Variants in FRS2 observed in about 807,000 individuals in gnomAD.
FRS2 encodes the protein fibroblast growth factor receptor substrate 2.
FRS2 carries 8 observed loss-of-function variants against 43.9 expected under a neutral mutation model. The observed-to-expected ratio is 0.18, with a 90% CI of 0.11 to 0.33. The LOEUF (loss-of-function observed/expected upper bound fraction) is 0.33. FRS2 is among the 10% of genes least tolerant of loss of function. The pLI is 1.00. For synonymous variants in FRS2, 219 were observed against 220.3 expected (o/e 0.99, Z 0.05); for missense variants, 534 against 627.6 (o/e 0.85, Z 1.59).
chr12:69,502,401 A>T (rs955247513), intron 1 of FRS2, among the ~76,000 whole-genome samples: 17 of 151,606 alleles, frequency 1.1e-4, no homozygotes, highest in African/African-American at 4.1e-4. Flanking sequence ...TTTAATTTTT[A>T]ATTTTTTTTT....
intron 3 of FRS2, among the ~76,000 whole-genome samples, chr12:69,533,774 T>C (rs552260503): frequency 3.3e-5 from 5 of 152,300 alleles, no homozygotes; most frequent in African/African-American, 1.2e-4. Context: ...CAGAATATAG[T>C]AATCCCCTCC....
intron 3 of FRS2, among the ~76,000 whole-genome samples, chr12:69,556,728 T>G (rs1320394234): frequency 6.6e-6 from 1 of 152,246 alleles, no homozygotes; most frequent in Non-Finnish European, 1.5e-5. Flanking sequence ...TGTCTTTTAG[T>G]GTTTTATTGA....
At chr12:69,521,882 G>A (rs1459589460) in intron 1 of FRS2, among the ~76,000 whole-genome samples, 1 of 152,140 alleles carries the variant, frequency 6.6e-6, no homozygotes, top group Non-Finnish European at 1.5e-5. Context: ...CCAAAGTGCT[G>A]GGATTATAGG....
At chr12:69,473,968 G>C (rs1198851763) in intron 1 of FRS2, among the ~76,000 whole-genome samples, 2 of 152,050 alleles carry the variant, frequency 1.3e-5, no homozygotes, top group East Asian at 3.8e-4. Flanking sequence ...TCATCTTCCC[G>C]AATAGCTGGG....
At chr12:69,535,049 C>A (rs1003114070) in intron 3 of FRS2, among the ~76,000 whole-genome samples, 4 of 152,066 alleles carry the variant, frequency 2.6e-5, no homozygotes, top group Non-Finnish European at 4.4e-5. Flanking sequence ...ACTGTAATTT[C>A]AGAATGATTT....
In FRS2 at chr12:69,572,193, C is replaced by A. The variant is rs776463041; in HGVS notation, c.488C>A (p.Pro163Gln). Residue 163 changes from proline to glutamine, a missense_variant, in exon 8 of 9, where the codon CCG (proline) becomes CAG (glutamine). Pro to Gln is a moderately conservative substitution (Grantham distance 76). Around this residue, in one of 3 missense-constraint regions of FRS2, gnomAD observed 446 missense variants for 494.2 expected, o/e 0.90. Transcript: ENST00000549921. ...TCATTTGGAGATGCTTCATCCCATC[C>A]GTCAAGCAGACATCCTTCTGTGGGA... The part of the protein sequence containing the change: ...YPSFGDASSH[P>Q]SSRHPSVGSA... 2 of 1,612,612 alleles carry A rather than the reference C, an allele frequency of 1.2e-6. No homozygotes were observed. The highest frequency in any genetic ancestry group is 1.1e-5 in the South Asian group (1 of 91,050).
At chr12:69,564,517 G>A (rs1880122522) in intron 4 of FRS2, among the ~76,000 whole-genome samples, 1 of 151,958 alleles carries the variant, frequency 6.6e-6, no homozygotes, top group Non-Finnish European at 1.5e-5. Flanking sequence ...ACAGTTTTTT[G>A]TATCTCAGGT....
At chr12:69,470,844 C>T (rs971770243) in intron 1 of FRS2, among the ~76,000 whole-genome samples, 3 of 152,152 alleles carry the variant, frequency 2.0e-5, no homozygotes, top group Admixed American at 6.5e-5. Flanking sequence ...CCCCAAACCT[C>T]GCCGCTCCCT....
At chr12:69,503,082 T>C (rs1023475956) in intron 1 of FRS2, among the ~76,000 whole-genome samples, 2 of 152,178 alleles carry the variant, frequency 1.3e-5, no homozygotes, top group Non-Finnish European at 2.9e-5. Context: ...TTCTTGTCTA[T>C]AGGCTCTGGC....
intron 1 of FRS2, among the ~76,000 whole-genome samples, chr12:69,476,639 G>A (rs1474897563): frequency 6.6e-6 from 1 of 151,844 alleles, no homozygotes; most frequent in Non-Finnish European, 1.5e-5. Flanking sequence ...GTCCTCCTGG[G>A]GACACAAACC....
intron 1 of FRS2, among the ~76,000 whole-genome samples, chr12:69,499,749 A>G (rs557925530): frequency 6.8e-6 from 1 of 146,566 alleles, no homozygotes; most frequent in South Asian, 2.3e-4. Context: ...GTGAATGGTT[A>G]TATAGGAGAA....
chr12:69,477,989 C>T (rs1870993770), intron 1 of FRS2, among the ~76,000 whole-genome samples: 1 of 151,902 alleles, frequency 6.6e-6, no homozygotes, highest in Non-Finnish European at 1.5e-5. Context: ...GATCCGCCCA[C>T]CTCGGCCTCC....
intron 1 of FRS2, among the ~76,000 whole-genome samples, chr12:69,509,478 A>G (rs1874261297): frequency 6.6e-6 from 1 of 152,186 alleles, no homozygotes; most frequent in South Asian, 2.1e-4. Flanking sequence ...CAACCATTTT[A>G]AAGTGTACAG....
At chr12:69,548,814 C>T in intron 3 of FRS2, among the ~76,000 whole-genome samples, 1 of 152,134 alleles carries the variant, frequency 6.6e-6, no homozygotes. Flanking sequence ...AAGTGGTTAC[C>T]TGAATCAGCA....
At chr12:69,518,047 C>G (rs1490306930) in intron 1 of FRS2, among the ~76,000 whole-genome samples, 3 of 152,124 alleles carry the variant, frequency 2.0e-5, no homozygotes, top group Non-Finnish European at 4.4e-5. Flanking sequence ...GGGAGGACCA[C>G]TGAATTCATT....
intron 8 of FRS2, among the ~76,000 whole-genome samples, chr12:69,572,519 A>G (rs1258058195): frequency 6.6e-6 from 1 of 152,208 alleles, no homozygotes; most frequent in African/African-American, 2.4e-5. Flanking sequence ...AGGTACATCT[A>G]TAGATTAAGA....
intron 8 of FRS2, among the ~76,000 whole-genome samples, chr12:69,573,511 ATAATG>A (rs1403731571): frequency 6.7e-6 from 1 of 149,416 alleles, no homozygotes; most frequent in Non-Finnish European, 1.5e-5. Context: ...GCCCAGGCTG[ATAATG>A]TAATGGTGTA....
intron 3 of FRS2, among the ~76,000 whole-genome samples, chr12:69,533,654 T>C (rs562615502): frequency 6.6e-6 from 1 of 152,262 alleles, no homozygotes; most frequent in East Asian, 1.9e-4. Context: ...TGGCCATATT[T>C]CTAGTTTTGA....
intron 1 of FRS2, among the ~76,000 whole-genome samples, chr12:69,509,315 A>G (rs1000545390): frequency 1.3e-5 from 2 of 151,694 alleles, no homozygotes; most frequent in South Asian, 2.1e-4. Context: ...GAGGCCACTT[A>G]TAAGAATTTT....
Sources: allele counts gnomAD v4.1 joint callset (sites outside exome capture counted in the v4.1 genomes callset), GRCh38; gene constraint gnomAD v4.1.1; regional missense constraint gnomAD v4.1.1; transcripts MANE v1.5; gene names NCBI Gene and HGNC (gene_info 2026-07-23, HGNC 2026-07-21).